Variants in CUL1 observed in about 807,000 individuals in gnomAD.
The protein encoded by CUL1 is cullin-1.
CUL1 carries 24 observed loss-of-function variants against 118.0 expected under a neutral mutation model. The observed-to-expected ratio is 0.20, with a 90% CI of 0.15 to 0.29. The LOEUF is 0.29. Ranked by LOEUF, CUL1 falls within the 10% of genes least tolerant of loss-of-function variation. CUL1 has a pLI of 1.00. For synonymous variants in CUL1, 332 were observed against 340.4 expected (o/e 0.98, Z 0.27); for missense variants, 361 against 933.8 (o/e 0.39, Z 7.99).
intron 1 of CUL1, among the ~76,000 whole-genome samples, chr7:148,699,526 G>C (rs1364889103): frequency 2.0e-5 from 3 of 152,158 alleles, no homozygotes; most frequent in Non-Finnish European, 2.9e-5. Flanking sequence ...TCCGGCCGAC[G>C]CGTGTTCCCC....
Position 148,744,397 on chromosome 7 carries a change from A to AGTGTGT in CUL1, c.141-9543_141-9538dup, listed in dbSNP as rs56093418. On this transcript the variant is annotated intron_variant, in intron 2 of 21. Coordinates refer to ENST00000325222, the MANE Select transcript of CUL1 (RefSeq NM_003592.3). The stretch of plus-strand genomic sequence containing the variant: ...TAATATATTTGTTGGTTGTTTCTGC[A>AGTGTGT]GTGTGTGTGTGTGTGTGTGTGTGTG... Among the ~76,000 whole-genome samples the AGTGTGT allele has an allele frequency of 5.1e-3, 728 of 144,072 alleles. 4 individuals are homozygous for AGTGTGT. Among genetic ancestry groups the AGTGTGT allele is most frequent in the South Asian group, 0.012 (53 of 4,412 alleles). 94.5% of individuals were successfully genotyped at this position (144,072 alleles called of 152,430 possible). A position where few individuals can be genotyped will look rare whatever the true frequency, so the allele number is the denominator to read the frequency against.
At chr7:148,706,127 A>G (rs1270894849) in intron 1 of CUL1, among the ~76,000 whole-genome samples, 2 of 152,184 alleles carry the variant, frequency 1.3e-5, no homozygotes, top group African/African-American at 4.8e-5. Flanking sequence ...GGCTGTGTGT[A>G]TAAGGTCTAT....
chr7:148,722,917 C>G (rs1476930707), intron 1 of CUL1, among the ~76,000 whole-genome samples: 1 of 152,264 alleles, frequency 6.6e-6, no homozygotes, highest in Non-Finnish European at 1.5e-5. Flanking sequence ...ATGCCCTAAT[C>G]ATGCCCTTTG....
chr7:148,782,547 CTT>C (rs1800676140), intron 9 of CUL1, among the ~76,000 whole-genome samples: 1 of 152,094 alleles, frequency 6.6e-6, no homozygotes, highest in African/African-American at 2.4e-5. Context: ...AATGTTTTCT[CTT>C]ATCAAATGTT....
chr7:148,724,742 C>T (rs745456836), intron 1 of CUL1, among the ~76,000 whole-genome samples: 1 of 152,214 alleles, frequency 6.6e-6, no homozygotes, highest in Non-Finnish European at 1.5e-5. Flanking sequence ...GCCCGAAACG[C>T]GTGGACATTC....
intron 3 of CUL1, among the ~76,000 whole-genome samples, chr7:148,754,404 C>T (rs556961990): frequency 1.2e-4 from 19 of 152,180 alleles, no homozygotes; most frequent in Admixed American, 2.0e-4. Context: ...ATCTCCTGGG[C>T]TCAAGTGATC....
intron 2 of CUL1, among the ~76,000 whole-genome samples, chr7:148,753,644 G>A (rs894162154): frequency 1.3e-5 from 2 of 152,178 alleles, no homozygotes; most frequent in African/African-American, 4.8e-5. Context: ...GTCAGTAATT[G>A]CATTTTTCTT....
chr7:148,739,275 T>A (rs772101904), intron 2 of CUL1, among the ~76,000 whole-genome samples: 13 of 152,214 alleles, frequency 8.5e-5, no homozygotes, highest in African/African-American at 1.7e-4. Flanking sequence ...GCTCATTCCA[T>A]TTCTGATAAC....
chr7:148,742,911 C>A (rs1799191749), intron 2 of CUL1, among the ~76,000 whole-genome samples: 1 of 152,128 alleles, frequency 6.6e-6, no homozygotes, highest in Non-Finnish European at 1.5e-5. Context: ...ACTCTTTCTA[C>A]CTTTTCTGAT....
At chr7:148,774,305 G>A (rs1289180463) in intron 9 of CUL1, among the ~76,000 whole-genome samples, 1 of 152,148 alleles carries the variant, frequency 6.6e-6, no homozygotes, top group Non-Finnish European at 1.5e-5. Flanking sequence ...TTCTCCAGTG[G>A]CTCATCCTAA....
chr7:148,705,239 T>A (rs1288703268), intron 1 of CUL1, among the ~76,000 whole-genome samples: 1 of 152,196 alleles, frequency 6.6e-6, no homozygotes, highest in Non-Finnish European at 1.5e-5. Context: ...AGTGTGGAAG[T>A]TTCTTTTTTT....
At chr7:148,702,870 A>G (rs1051726770) in intron 1 of CUL1, among the ~76,000 whole-genome samples, 4 of 152,166 alleles carry the variant, frequency 2.6e-5, no homozygotes, top group Non-Finnish European at 4.4e-5. Flanking sequence ...GGACACTGTG[A>G]TATGCATCTG....
intron 7 of CUL1, among the ~76,000 whole-genome samples, chr7:148,763,442 C>G (rs1799903580): frequency 6.6e-6 from 1 of 152,174 alleles, no homozygotes; most frequent in Non-Finnish European, 1.5e-5. Flanking sequence ...CTGCTCTCAT[C>G]CTATAGCCTT....
chr7:148,720,214 CAG>C (rs1422224027), intron 1 of CUL1, among the ~76,000 whole-genome samples: 5 of 152,124 alleles, frequency 3.3e-5, no homozygotes, highest in African/African-American at 1.2e-4. Context: ...ATTCAGTTAA[CAG>C]AGTGAGTGCC....
At chr7:148,753,423 C>A (rs1165413801) in intron 2 of CUL1, among the ~76,000 whole-genome samples, 1 of 152,180 alleles carries the variant, frequency 6.6e-6, no homozygotes, top group Non-Finnish European at 1.5e-5. Context: ...GTTTATACAT[C>A]TCTCTCTTTC....
intron 9 of CUL1, among the ~76,000 whole-genome samples, chr7:148,774,610 A>G (rs1800336622): frequency 6.6e-6 from 1 of 152,250 alleles, no homozygotes; most frequent in Non-Finnish European, 1.5e-5. Flanking sequence ...ATAAGAGAAT[A>G]TCTCCTTACA....
chr7:148,724,359 T>C (rs1213509587), intron 1 of CUL1, among the ~76,000 whole-genome samples: 1 of 152,236 alleles, frequency 6.6e-6, no homozygotes, highest in East Asian at 1.9e-4. Context: ...GCTTTTCTTC[T>C]GTTAGACCTG....
chr7:148,744,352 AT>A (rs1251345935), intron 2 of CUL1, among the ~76,000 whole-genome samples: 1 of 148,718 alleles, frequency 6.7e-6, no homozygotes, highest in Non-Finnish European at 1.5e-5. Flanking sequence ...ATTATTTGAA[AT>A]TTTTTTATAG....
chr7:148,788,420 T>C (rs1800892177), intron 13 of CUL1, 137 bp from the exon 14 acceptor site: 7 of 616,950 alleles, frequency 1.1e-5, no homozygotes, highest in Non-Finnish European at 2.0e-5. Context: ...CTGTAAAATA[T>C]AGCAAAATGT....
Sources: allele counts gnomAD v4.1 joint callset (sites outside exome capture counted in the v4.1 genomes callset), GRCh38; gene constraint gnomAD v4.1.1; transcripts MANE v1.5; gene names NCBI Gene and HGNC (gene_info 2026-07-23, HGNC 2026-07-21).